ACVR2A: variants seen among roughly 807,000 people sequenced by gnomAD.
ACVR2A encodes the protein activin receptor type-2A.
Under a neutral mutation model 61.4 loss-of-function variants are expected in ACVR2A, and 7 were observed. The ratio of observed to expected loss-of-function variants is 0.11; its 90% CI spans 0.06 to 0.21. The LOEUF (loss-of-function observed/expected upper bound fraction) is 0.21. Among genes scored for constraint, ACVR2A ranks in the 10% least tolerant of loss-of-function variants. ACVR2A has a pLI of 1.00. For synonymous variants in ACVR2A, 193 were observed against 208.3 expected, an observed-to-expected ratio of 0.93 and a Z score of 0.63; for missense variants, 322 against 621.7, an observed-to-expected ratio of 0.52 and a Z score of 5.13.
intron 1 of ACVR2A, among the ~76,000 whole-genome samples, chr2:147,880,083 TA>T: frequency 6.6e-6 from 1 of 152,332 alleles, no homozygotes; most frequent in South Asian, 2.1e-4. Context: ...TCTTTATGAC[TA>T]GTATGAATTC....
chr2:147,905,673 T>G (rs1686972167), intron 4 of ACVR2A, among the ~76,000 whole-genome samples: 2 of 152,044 alleles, frequency 1.3e-5, no homozygotes, highest in Non-Finnish European at 2.9e-5. Context: ...TAACCTAAAT[T>G]ACAACTTACT....
At chr2:147,892,672 A>G (rs1448444998) in intron 1 of ACVR2A, among the ~76,000 whole-genome samples, 1 of 149,508 alleles carries the variant, frequency 6.7e-6, no homozygotes, top group African/African-American at 2.6e-5. Flanking sequence ...TCTCTTAATG[A>G]TTGTTGTAGT....
chr2:147,868,298 A>G (rs571616150), intron 1 of ACVR2A, among the ~76,000 whole-genome samples: 8 of 152,326 alleles, frequency 5.3e-5, no homozygotes, highest in East Asian at 3.9e-4. Context: ...GAGGCAGTCA[A>G]GATGATAATA....
chr2:147,910,870 A>G (rs1190902670), intron 4 of ACVR2A, among the ~76,000 whole-genome samples: 1 of 152,040 alleles, frequency 6.6e-6, no homozygotes, highest in Non-Finnish European at 1.5e-5. Context: ...TTCTGTCACT[A>G]TGTTTTACTT....
intron 1 of ACVR2A, among the ~76,000 whole-genome samples, chr2:147,846,793 G>T (rs1293064971): frequency 2.0e-5 from 3 of 152,012 alleles, no homozygotes; most frequent in African/African-American, 7.3e-5. Context: ...TTTTTCCTCT[G>T]CTTCTATATG....
intron 4 of ACVR2A, chr2:147,900,327 A>T (rs1686840440): frequency 6.5e-6 from 1 of 153,728 alleles, no homozygotes; most frequent in Non-Finnish European, 1.4e-5. Context: ...TAGGAAAGTA[A>T]CCAAAAAAGT....
At chr2:147,891,037 CTTTG>C (rs1276117158) in intron 1 of ACVR2A, among the ~76,000 whole-genome samples, 5 of 152,122 alleles carry the variant, frequency 3.3e-5, no homozygotes, top group Non-Finnish European at 5.9e-5. Flanking sequence ...TAAAATGGCC[CTTTG>C]TTTATCTTTT....
At chr2:147,924,266 T>C (rs550188358) in intron 9 of ACVR2A, among the ~76,000 whole-genome samples, 1 of 152,140 alleles carries the variant, frequency 6.6e-6, no homozygotes, top group East Asian at 1.9e-4. Context: ...ATATGAACTC[T>C]CCATAACAAA....
intron 1 of ACVR2A, among the ~76,000 whole-genome samples, chr2:147,889,352 G>T (rs1377184620): frequency 6.6e-6 from 1 of 152,098 alleles, no homozygotes; most frequent in Admixed American, 6.6e-5. Flanking sequence ...TCTGGAAGAG[G>T]TTGTATAAAA....
chr2:147,918,752 G>T (rs1269065874), intron 7 of ACVR2A, among the ~76,000 whole-genome samples, 160 bp downstream of exon 7: 1 of 152,004 alleles, frequency 6.6e-6, no homozygotes, highest in Non-Finnish European at 1.5e-5. Flanking sequence ...GATTGGCCAG[G>T]AAGTATTTTG....
At chr2:147,874,767 G>A (rs1054121137) in intron 1 of ACVR2A, among the ~76,000 whole-genome samples, 1 of 151,966 alleles carries the variant, frequency 6.6e-6, no homozygotes, top group Admixed American at 6.6e-5. Flanking sequence ...TAGGAGTTGG[G>A]TAGGAATAAT....
At chr2:147,911,354 C>G (rs757722219) in intron 4 of ACVR2A, among the ~76,000 whole-genome samples, 11 of 152,010 alleles carry the variant, frequency 7.2e-5, no homozygotes, top group Non-Finnish European at 1.5e-5. Flanking sequence ...TATTACTTTC[C>G]TCTGTTTGTA....
chr2:147,852,773 T>C (rs940895861), intron 1 of ACVR2A, among the ~76,000 whole-genome samples: 1 of 152,040 alleles, frequency 6.6e-6, no homozygotes, highest in African/African-American at 2.4e-5. Context: ...AGGAAGGATG[T>C]TAATATGAAG....
chr2:147,862,078 G>A (rs1685739956), intron 1 of ACVR2A, among the ~76,000 whole-genome samples: 1 of 152,098 alleles, frequency 6.6e-6, no homozygotes, highest in Admixed American at 6.5e-5. Context: ...GTGTTCTTTT[G>A]TAGTAGCAAA....
At chr2:147,901,596 A>G (rs1299392236) in intron 4 of ACVR2A, among the ~76,000 whole-genome samples, 1 of 152,064 alleles carries the variant, frequency 6.6e-6, no homozygotes, top group Non-Finnish European at 1.5e-5. Flanking sequence ...TGTTATGGTT[A>G]AAGTTACTGT....
In ACVR2A at chr2:147,921,611, G is replaced by A. The variant is rs1374960381; in HGVS notation, c.1077+1267G>A. On this transcript the variant is annotated intron_variant, in intron 8 of 10. Coordinates refer to ENST00000241416, the MANE Select transcript of ACVR2A (RefSeq NM_001616.5). The stretch of plus-strand genomic sequence containing the variant: ...TCAGTAGCCATATAGCTCTAGAAAA[G>A]TTGACTGCAAATGTGTATGGGAATG... Among the ~76,000 whole-genome samples, 11 of 152,212 alleles carry A rather than the reference G, an allele frequency of 7.2e-5. 1 individual carries two copies. The South Asian group carries it at 2.1e-3, about 29-fold the overall frequency.
intron 1 of ACVR2A, among the ~76,000 whole-genome samples, chr2:147,880,279 C>T (rs1402910937): frequency 6.6e-6 from 1 of 152,064 alleles, no homozygotes; most frequent in East Asian, 1.9e-4. Context: ...GGGTGTAATT[C>T]TCACACCTCT....
At chr2:147,908,766 A>G (rs919686218) in intron 4 of ACVR2A, among the ~76,000 whole-genome samples, 2 of 152,052 alleles carry the variant, frequency 1.3e-5, no homozygotes, top group African/African-American at 4.8e-5. Flanking sequence ...GGAGGACCTT[A>G]ATTCGTCTTG....
At chr2:147,907,918 A>G (rs1687024739) in intron 4 of ACVR2A, among the ~76,000 whole-genome samples, 1 of 152,060 alleles carries the variant, frequency 6.6e-6, no homozygotes, top group Non-Finnish European at 1.5e-5. Context: ...GCACACCTGT[A>G]ATCCCAGCTA....
Sources: allele counts gnomAD v4.1 joint callset (sites outside exome capture counted in the v4.1 genomes callset), GRCh38; gene constraint gnomAD v4.1.1; transcripts MANE v1.5; gene names NCBI Gene and HGNC (gene_info 2026-07-23, HGNC 2026-07-21).